ARHGEF3: variants seen among roughly 807,000 people sequenced by gnomAD.
ARHGEF3 encodes Rho guanine nucleotide exchange factor 3.
ARHGEF3 carries 28 observed loss-of-function variants against 63.2 expected under a neutral mutation model. That is an observed-to-expected ratio of 0.44 (90% confidence interval 0.33 to 0.61). ARHGEF3 has a LOEUF of 0.61. Among genes scored for constraint, ARHGEF3 ranks in the 20% least tolerant of loss-of-function variants. The pLI is 0.03. For missense variants in ARHGEF3, 533 were observed against 659.3 expected (o/e 0.81, Z 2.10); for synonymous variants, 266 against 254.2 (o/e 1.05, Z -0.44).
chr3:56,759,427 C>G (rs1383108511), intron 2 of ARHGEF3, among the ~76,000 whole-genome samples: 1 of 152,172 alleles, frequency 6.6e-6, no homozygotes, highest in Non-Finnish European at 1.5e-5. Flanking sequence ...CCTTGGCCTC[C>G]CGAAGTGCTG....
At chr3:56,878,275 C>T (rs2040655024) in intron 4 of ARHGEF3, among the ~76,000 whole-genome samples, 2 of 152,164 alleles carry the variant, frequency 1.3e-5, no homozygotes, top group Non-Finnish European at 1.5e-5. Flanking sequence ...AACCATCCTA[C>T]TCATATCCTC....
chr3:56,975,850 A>C (rs1701105228), intron 2 of ARHGEF3: 2 of 393,016 alleles, frequency 5.1e-6, no homozygotes, highest in African/African-American at 4.3e-5. Flanking sequence ...AACAATAAAG[A>C]TCAGAGATTA....
At chr3:56,840,223 G>C (rs1170053553) in intron 4 of ARHGEF3, among the ~76,000 whole-genome samples, 3 of 152,188 alleles carry the variant, frequency 2.0e-5, no homozygotes, top group Non-Finnish European at 4.4e-5. Flanking sequence ...AGGAGAGCCA[G>C]CCAACAACAG....
intron 1 of ARHGEF3, among the ~76,000 whole-genome samples, chr3:57,068,363 A>G (rs1705685973): frequency 6.6e-6 from 1 of 152,202 alleles, no homozygotes; most frequent in South Asian, 2.1e-4. Flanking sequence ...TATTATCACA[A>G]TAAAATAGAG....
chr3:56,789,041 C>T (rs2036956636), intron 1 of ARHGEF3, among the ~76,000 whole-genome samples: 1 of 149,694 alleles, frequency 6.7e-6, no homozygotes, highest in South Asian at 2.1e-4. Flanking sequence ...GCTGCTGCTG[C>T]TGCTGCTGCT....
intron 4 of ARHGEF3, among the ~76,000 whole-genome samples, chr3:56,869,109 G>A (rs1348214381): frequency 6.6e-6 from 1 of 152,014 alleles, no homozygotes; most frequent in Non-Finnish European, 1.5e-5. Context: ...TTTTAGTGCT[G>A]AGTAGAGGAT....
intron 1 of ARHGEF3, among the ~76,000 whole-genome samples, chr3:57,067,689 A>T (rs1705631341): frequency 6.6e-6 from 1 of 150,768 alleles, no homozygotes; most frequent in African/African-American, 2.4e-5. Context: ...TTAAAAAATT[A>T]GCCGGCGTGA....
chr3:57,010,861 G>A (rs956215613), intron 2 of ARHGEF3, among the ~76,000 whole-genome samples: 5 of 152,118 alleles, frequency 3.3e-5, no homozygotes, highest in East Asian at 1.9e-4. Context: ...CTTGTTCATC[G>A]TCTGCTCACT....
At chr3:56,809,940 T>C (rs946609620) in intron 4 of ARHGEF3, among the ~76,000 whole-genome samples, 1 of 151,898 alleles carries the variant, frequency 6.6e-6, no homozygotes, top group East Asian at 1.9e-4. Context: ...ACCATGTGGG[T>C]CAGGCTGGTC....
intron 1 of ARHGEF3, chr3:57,076,858 T>G (rs2107431131): frequency 6.6e-6 from 1 of 152,338 alleles, no homozygotes; most frequent in Middle Eastern, 3.4e-3. Context: ...TCCTCTTGAA[T>G]CCTACATTCT....
At chr3:56,911,914 C>T (rs1326355907) in intron 3 of ARHGEF3, among the ~76,000 whole-genome samples, 1 of 151,136 alleles carries the variant, frequency 6.6e-6, no homozygotes, top group Non-Finnish European at 1.5e-5. Flanking sequence ...GCCTGGGCGA[C>T]AGAGCAAGAC....
intron 2 of ARHGEF3, among the ~76,000 whole-genome samples, chr3:56,987,318 G>A (rs933814325): frequency 6.6e-6 from 1 of 152,224 alleles, no homozygotes; most frequent in Admixed American, 6.5e-5. Flanking sequence ...GGAATCTGGG[G>A]CATAATCATG....
chr3:56,947,476 T>C (rs1215064551), intron 3 of ARHGEF3, among the ~76,000 whole-genome samples: 1 of 152,100 alleles, frequency 6.6e-6, no homozygotes, highest in African/African-American at 2.4e-5. Flanking sequence ...GGGGTTGCAA[T>C]CCTAGTCTCT....
rs116466166 is a variant in ARHGEF3 at position 56,864,097 on chromosome 3, T to A, written c.192+18195A>T. Among the ~76,000 whole-genome samples the A allele has an allele frequency of 1.2e-3, 189 of 152,312 alleles. 1 individual carries two copies. Among genetic ancestry groups the A allele is most frequent in the African/African-American group, 4.2e-3 (174 of 41,560 alleles). ...AACTAAGGCAGCTTTCTACTCATCATCCACATCTACCCTTGGTTTCATAAT... is the reference window on the plus strand; with the variant it reads ...AACTAAGGCAGCTTTCTACTCATCAACCACATCTACCCTTGGTTTCATAAT... On this transcript the variant is annotated intron_variant, in intron 4 of 12. Transcript: ENST00000338458.
At chr3:56,732,828 C>A (rs1406867525) in intron 8 of ARHGEF3, among the ~76,000 whole-genome samples, 1 of 152,200 alleles carries the variant, frequency 6.6e-6, no homozygotes, top group African/African-American at 2.4e-5. Flanking sequence ...ACTCTCTTGA[C>A]TTTAGTTTAT....
intron 4 of ARHGEF3, among the ~76,000 whole-genome samples, chr3:56,818,048 C>G (rs2038335565): frequency 6.6e-6 from 1 of 152,140 alleles, no homozygotes; most frequent in Non-Finnish European, 1.5e-5. Flanking sequence ...CAGTCCAAGT[C>G]TTGTGGAACA....
intron 1 of ARHGEF3, chr3:57,060,522 G>C (rs1705164056): frequency 6.6e-6 from 1 of 152,064 alleles, no homozygotes; most frequent in Non-Finnish European, 1.5e-5. Context: ...CCTGGAGGAA[G>C]CTCACAGCAG....
intron 3 of ARHGEF3, among the ~76,000 whole-genome samples, chr3:56,952,308 T>C (rs1333372523): frequency 6.6e-6 from 1 of 152,094 alleles, no homozygotes; most frequent in Non-Finnish European, 1.5e-5. Context: ...AGCAAGGAAA[T>C]GAGAACCTCC....
At chr3:56,828,431 G>A (rs1342773897) in intron 4 of ARHGEF3, among the ~76,000 whole-genome samples, 1 of 152,180 alleles carries the variant, frequency 6.6e-6, no homozygotes, top group African/African-American at 2.4e-5. Flanking sequence ...CTACTCAGGA[G>A]GCTGAGACAG....
Sources: gnomAD v4.1 joint callset for allele counts (sites outside exome capture counted in the v4.1 genomes callset) on GRCh38, gnomAD v4.1.1 for gene constraint, MANE v1.5 for transcripts, NCBI Gene and HGNC (gene_info 2026-07-23, HGNC 2026-07-21) for gene names.